KCNIP4: variants seen among roughly 807,000 people sequenced by gnomAD.
KCNIP4 encodes Kv channel-interacting protein 4.
In KCNIP4, 12 loss-of-function variants were observed where a neutral mutation model predicts 34.0. That is an observed-to-expected ratio of 0.35 (90% CI 0.23 to 0.57). The LOEUF is 0.57. Among genes scored for constraint, KCNIP4 ranks in the 20% least tolerant of loss-of-function variants. The probability of loss-of-function intolerance (pLI) is 0.83; values close to 1 mark genes in which losing one functional copy is unlikely to be tolerated. For synonymous variants in KCNIP4, 124 were observed against 102.2 expected (o/e 1.21, Z -1.29); for missense variants, 238 against 311.7 (o/e 0.76, Z 1.78).
chr4:21,819,405 T>C (rs1370236293), intron 1 of KCNIP4, among the ~76,000 whole-genome samples: 1 of 152,224 alleles, frequency 6.6e-6, no homozygotes, highest in Non-Finnish European at 1.5e-5. Context: ...CTCAGAGCTG[T>C]CTTGCCTGAC....
intron 4 of KCNIP4, among the ~76,000 whole-genome samples, chr4:20,751,426 T>C (rs1753607059): frequency 6.6e-6 from 1 of 152,196 alleles, no homozygotes; most frequent in Admixed American, 6.5e-5. Context: ...CTATTTCAAC[T>C]TGCAAAGTTG....
chr4:21,831,663 C>CAAAAA (rs141374886), intron 1 of KCNIP4, among the ~76,000 whole-genome samples: 874 of 72,616 alleles, frequency 0.012, 61 homozygotes, highest in African/African-American at 0.037. Context: ...CATTTTTCAT[C>CAAAAA]AAAAAAAAAA....
chr4:21,249,527 G>A (rs765260267), intron 1 of KCNIP4, among the ~76,000 whole-genome samples: 23 of 151,884 alleles, frequency 1.5e-4, no homozygotes, highest in African/African-American at 3.6e-4. Flanking sequence ...CCTTTTTTTC[G>A]TTGATCTTGG....
chr4:20,931,772 G>A (rs1002038871), intron 1 of KCNIP4, among the ~76,000 whole-genome samples: 5 of 151,982 alleles, frequency 3.3e-5, no homozygotes, highest in African/African-American at 7.3e-5. Context: ...TGGTTCCCAG[G>A]GATGGTGGGT....
chr4:21,594,262 G>T (rs1035732946), intron 1 of KCNIP4, among the ~76,000 whole-genome samples: 2 of 152,178 alleles, frequency 1.3e-5, no homozygotes, highest in East Asian at 3.9e-4. Flanking sequence ...AGAGTTTAGA[G>T]ATATAGAAAT....
intron 1 of KCNIP4, among the ~76,000 whole-genome samples, chr4:21,449,754 A>G (rs28669010): frequency 0.011 from 1,662 of 152,040 alleles, 35 homozygotes; most frequent in African/African-American, 0.038. Flanking sequence ...TCACTGCTGT[A>G]TCCCTGGTGC....
In KCNIP4 at chr4:21,776,546, C is replaced by T. The variant is rs138880242; in HGVS notation, c.61+172025G>A. On this transcript the variant is annotated intron_variant, in intron 1 of 8. Coordinates refer to ENST00000382152, the MANE Select transcript of KCNIP4 (RefSeq NM_025221.6). ...AGAAAATCATCTAATTTATCCTTTC[C>T]TAAGTTTCCTTTACTTCTGATGTAA... Among the ~76,000 whole-genome samples, 1,336 of 152,258 alleles carry T rather than the reference C, an allele frequency of 8.8e-3. 19 individuals carry two copies. The highest frequency in any genetic ancestry group is 0.039 in the South Asian group (187 of 4,818).
intron 1 of KCNIP4, among the ~76,000 whole-genome samples, chr4:21,708,564 T>C (rs1014764149): frequency 6.6e-6 from 1 of 152,126 alleles, no homozygotes; most frequent in Non-Finnish European, 1.5e-5. Context: ...TATGGCTCTA[T>C]AAACTCCCAA....
chr4:21,608,183 C>T (rs1256829849), intron 1 of KCNIP4, among the ~76,000 whole-genome samples: 1 of 152,166 alleles, frequency 6.6e-6, no homozygotes, highest in Admixed American at 6.5e-5. Context: ...ATTACCACAA[C>T]CTTAGAAGCT....
intron 1 of KCNIP4, among the ~76,000 whole-genome samples, chr4:21,262,856 C>T (rs917308599): frequency 6.6e-6 from 1 of 152,208 alleles, no homozygotes; most frequent in Non-Finnish European, 1.5e-5. Flanking sequence ...GTCTATATCT[C>T]TCATTCAACT....
chr4:21,647,774 G>A (rs1301818727), intron 1 of KCNIP4, among the ~76,000 whole-genome samples: 1 of 147,318 alleles, frequency 6.8e-6, no homozygotes, highest in African/African-American at 2.5e-5. Context: ...CTCAACTTAC[G>A]TACCCCACTC....
intron 1 of KCNIP4, among the ~76,000 whole-genome samples, chr4:21,946,540 T>C (rs1456680687): frequency 6.6e-6 from 1 of 152,192 alleles, no homozygotes; most frequent in Non-Finnish European, 1.5e-5. Flanking sequence ...CTATATCTGA[T>C]CACAAGTAAG....
At chr4:21,240,106 T>C (rs994813326) in intron 1 of KCNIP4, among the ~76,000 whole-genome samples, 2 of 151,146 alleles carry the variant, frequency 1.3e-5, no homozygotes, top group Non-Finnish European at 2.9e-5. Flanking sequence ...CCATCATTCT[T>C]GGCAAACTAT....
intron 1 of KCNIP4, among the ~76,000 whole-genome samples, chr4:21,394,879 C>T (rs1184005190): frequency 6.6e-6 from 1 of 152,132 alleles, no homozygotes; most frequent in Admixed American, 6.6e-5. Flanking sequence ...AATAAATTAG[C>T]TCTCATGCTT....
chr4:21,467,078 A>ACACG (rs1730029157), intron 1 of KCNIP4, among the ~76,000 whole-genome samples: 2 of 55,066 alleles, frequency 3.6e-5, no homozygotes, highest in Non-Finnish European at 7.4e-5. Context: ...AAACAAACAC[A>ACACG]CACACACACA....
At chr4:21,906,805 G>A (rs1363413257) in intron 1 of KCNIP4, among the ~76,000 whole-genome samples, 1 of 152,070 alleles carries the variant, frequency 6.6e-6, no homozygotes, top group African/African-American at 2.4e-5. Context: ...CCAAGCCTGT[G>A]TACATCTTTT....
At position 20,826,654 on chromosome 4, in the gene KCNIP4, T is replaced by C. The variant is rs540404242; in HGVS notation, c.288+23889A>G. ...AGAGAGAGTGATGGCTAAAGGAAAATGTATGGGAATGAAGAACATTCTAGT... is the reference window on the plus strand; with the variant it reads ...AGAGAGAGTGATGGCTAAAGGAAAACGTATGGGAATGAAGAACATTCTAGT... On this transcript the variant is annotated intron_variant, in intron 3 of 8. Transcript: ENST00000382152. Among the ~76,000 whole-genome samples the C allele has an allele frequency of 8.6e-5, 13 of 151,828 alleles. No individual in the cohort carries two copies. In the South Asian group the frequency reaches 2.3e-3, roughly 27 times the overall value.
chr4:21,638,036 T>G (rs1474320986), intron 1 of KCNIP4, among the ~76,000 whole-genome samples: 1 of 152,086 alleles, frequency 6.6e-6, no homozygotes, highest in Non-Finnish European at 1.5e-5. Flanking sequence ...CTTCCTCTCA[T>G]CCAATTCCTA....
At chr4:21,119,352 G>A (rs1030361361) in intron 1 of KCNIP4, among the ~76,000 whole-genome samples, 1 of 151,224 alleles carries the variant, frequency 6.6e-6, no homozygotes, top group Non-Finnish European at 1.5e-5. Flanking sequence ...CTATACCCCT[G>A]TCCCTTTGCT....
Sources: allele counts gnomAD v4.1 joint callset (sites outside exome capture counted in the v4.1 genomes callset), GRCh38; gene constraint gnomAD v4.1.1; transcripts MANE v1.5; gene names NCBI Gene and HGNC (gene_info 2026-07-23, HGNC 2026-07-21).